Variants in ROBO1 observed in about 807,000 individuals in gnomAD.
ROBO1 encodes the protein roundabout homolog 1.
A neutral mutation model predicts 195.9 loss-of-function variants in ROBO1; 149 were observed. The observed-to-expected ratio is 0.76, with a 90% CI of 0.67 to 0.87. The LOEUF is 0.87. ROBO1 is among the 40% of genes least tolerant of loss of function. ROBO1 has a pLI of 0.00. For synonymous variants in ROBO1, 816 were observed against 733.2 expected, an observed-to-expected ratio of 1.11 and a Z score of -1.82; for missense variants, 1,933 against 2,068.3, an observed-to-expected ratio of 0.93 and a Z score of 1.27.
chr3:79,002,789 G>C (rs1055994961), intron 3 of ROBO1, among the ~76,000 whole-genome samples: 1 of 151,984 alleles, frequency 6.6e-6, no homozygotes. Flanking sequence ...ACAGTGTCTC[G>C]GGATTCAAAA....
chr3:79,520,529 T>A (rs1206095921), intron 2 of ROBO1, among the ~76,000 whole-genome samples: 3 of 152,186 alleles, frequency 2.0e-5, no homozygotes, highest in African/African-American at 4.8e-5. Context: ...TGTTTAATAT[T>A]TAACACAAAG....
chr3:79,552,034 C>A (rs1942540764), intron 2 of ROBO1, among the ~76,000 whole-genome samples: 1 of 90,308 alleles, frequency 1.1e-5, no homozygotes, highest in African/African-American at 4.2e-5. Context: ...AGACATTTTG[C>A]TACAGGAAAA....
intron 2 of ROBO1, among the ~76,000 whole-genome samples, chr3:79,243,930 C>A (rs1032463954): frequency 7.9e-5 from 12 of 152,054 alleles, no homozygotes; most frequent in African/African-American, 2.4e-4. Context: ...AATGGCATTG[C>A]CTAGGTTTTC....
At chr3:79,474,628 G>C (rs1938453689) in intron 2 of ROBO1, among the ~76,000 whole-genome samples, 2 of 151,834 alleles carry the variant, frequency 1.3e-5, no homozygotes, top group South Asian at 4.2e-4. Flanking sequence ...AAAACATTTT[G>C]TTTATTTGTT....
chr3:78,918,538 A>G (rs2038762467), intron 4 of ROBO1, among the ~76,000 whole-genome samples: 1 of 152,166 alleles, frequency 6.6e-6, no homozygotes, highest in Non-Finnish European at 1.5e-5. Flanking sequence ...GTTAGTTTAC[A>G]GCAATCTTTC....
chr3:78,812,969 A>AT (rs1257298694), intron 4 of ROBO1, among the ~76,000 whole-genome samples: 1 of 152,090 alleles, frequency 6.6e-6, no homozygotes, highest in Non-Finnish European at 1.5e-5. Flanking sequence ...TTCTAAAAGC[A>AT]TTTTTACCAT....
chr3:78,987,200 G>C (rs2077128443), intron 3 of ROBO1, among the ~76,000 whole-genome samples: 1 of 146,336 alleles, frequency 6.8e-6, no homozygotes, highest in Admixed American at 6.9e-5. Context: ...TTTTAAAAAA[G>C]AAGAAGAAAA....
At chr3:79,582,551 C>T (rs1327762380) in intron 2 of ROBO1, among the ~76,000 whole-genome samples, 1 of 151,988 alleles carries the variant, frequency 6.6e-6, no homozygotes, top group African/African-American at 2.4e-5. Flanking sequence ...TTGCAACAGT[C>T]AGTTTTAAAT....
chr3:79,500,117 C>CTGTTTT, intron 2 of ROBO1, among the ~76,000 whole-genome samples: 1 of 110,614 alleles, frequency 9.0e-6, no homozygotes, highest in African/African-American at 3.6e-5. Flanking sequence ...AGTAAGTTTT[C>CTGTTTT]TCTTTTTTTT....
At chr3:79,481,800 T>C (rs975068434) in intron 2 of ROBO1, among the ~76,000 whole-genome samples, 3 of 152,214 alleles carry the variant, frequency 2.0e-5, no homozygotes, top group African/African-American at 4.8e-5. Flanking sequence ...GTATTATTTC[T>C]ATCAAACTTA....
At chr3:79,611,196 T>G (rs1215107171) in intron 1 of ROBO1, among the ~76,000 whole-genome samples, 2 of 137,950 alleles carry the variant, frequency 1.4e-5, no homozygotes, top group Non-Finnish European at 3.1e-5. Context: ...AGGCATCTTT[T>G]AATAGAAAAA....
chr3:79,212,592 C>T (rs1315136013), intron 2 of ROBO1, among the ~76,000 whole-genome samples: 3 of 152,052 alleles, frequency 2.0e-5, no homozygotes, highest in East Asian at 1.9e-4. Context: ...AGACTGAGGG[C>T]GCAGATCACT....
chr3:78,796,657 T>C (rs1312535687), intron 4 of ROBO1, among the ~76,000 whole-genome samples: 1 of 152,176 alleles, frequency 6.6e-6, no homozygotes, highest in Non-Finnish European at 1.5e-5. Flanking sequence ...GTCTCTTCAA[T>C]CTACCATCAA....
chr3:79,341,327 G>A (rs2034897473), intron 2 of ROBO1, among the ~76,000 whole-genome samples: 1 of 152,128 alleles, frequency 6.6e-6, no homozygotes, highest in Non-Finnish European at 1.5e-5. Context: ...TCATACATTA[G>A]CAAAACTGCT....
At chr3:79,112,685 C>T (rs1349671855) in intron 3 of ROBO1, among the ~76,000 whole-genome samples, 1 of 150,744 alleles carries the variant, frequency 6.6e-6, no homozygotes, top group East Asian at 2.0e-4. Flanking sequence ...CATGTTCTCA[C>T]TCATAGGTGG....
chr3:79,482,399 G>C (rs140104148), intron 2 of ROBO1, among the ~76,000 whole-genome samples: 3 of 152,104 alleles, frequency 2.0e-5, no homozygotes, highest in Non-Finnish European at 4.4e-5. Flanking sequence ...CCCCCATACT[G>C]TTCTCATGGT....
At chr3:79,581,265 G>GA (rs1208651088) in intron 2 of ROBO1, among the ~76,000 whole-genome samples, 4 of 151,896 alleles carry the variant, frequency 2.6e-5, no homozygotes, top group Non-Finnish European at 4.4e-5. Context: ...AGCAATAGAG[G>GA]AAAAAAATTA....
intron 2 of ROBO1, among the ~76,000 whole-genome samples, chr3:79,554,737 G>T (rs987977961): frequency 6.6e-6 from 1 of 152,078 alleles, no homozygotes; most frequent in Admixed American, 6.6e-5. Context: ...TGATACAGTG[G>T]AAAGAGCATT....
intron 3 of ROBO1, among the ~76,000 whole-genome samples, chr3:79,012,372 C>T (rs1213277642): frequency 1.3e-5 from 2 of 152,180 alleles, no homozygotes; most frequent in Non-Finnish European, 2.9e-5. Flanking sequence ...ATTTAAGTGT[C>T]AAACTAGGTG....
Sources: gnomAD v4.1 joint callset for allele counts (sites outside exome capture counted in the v4.1 genomes callset) on GRCh38, gnomAD v4.1.1 for gene constraint, MANE v1.5 for transcripts, NCBI Gene and HGNC (gene_info 2026-07-23, HGNC 2026-07-21) for gene names.